The following OR10G3 variants were observed in gnomAD, a reference collection of about 807,000 sequenced individuals.
OR10G3 encodes olfactory receptor 10G3.
OR10G3 carries 8 observed loss-of-function variants against 13.4 expected under a neutral mutation model. That is an observed-to-expected ratio of 0.60 (90% CI 0.35 to 1.08). The LOEUF (loss-of-function observed/expected upper bound fraction) is 1.08, where lower values mean the gene tolerates loss of function less well. OR10G3 is among the 50% of genes least tolerant of loss of function. The pLI, the probability that OR10G3 is intolerant of heterozygous loss-of-function variation, is 0.02. For missense variants in OR10G3, 393 were observed against 386.6 expected (o/e 1.02, Z -0.14); for synonymous variants, 142 against 156.1 (o/e 0.91, Z 0.67).
At position 21,570,185 on chromosome 14, in the gene OR10G3, C is replaced by T; in HGVS notation, c.560G>A (p.Arg187Lys). Reference sequence around the variant, plus strand: ...GACTGTTGTGTCAGCACAGGCCAGTCTCAACACTGCAGGGATGTCACAGAA... The same window carrying T: ...GACTGTTGTGTCAGCACAGGCCAGTTTCAACACTGCAGGGATGTCACAGAA... ...YFFCDIPAVLRLACADTTVNE... is the reference protein window; with the variant it reads ...YFFCDIPAVLKLACADTTVNE... Residue 187 changes from arginine to lysine, a missense_variant, in exon 2 of 2, where the codon AGA (arginine) becomes AAA (lysine). Transcript: ENST00000641040. 5 of 1,614,214 alleles carry T rather than the reference C, an allele frequency of 3.1e-6. No homozygotes were observed. The highest frequency in any genetic ancestry group is 4.2e-6 in the Non-Finnish European group (5 of 1,180,048).
rs956449196 is a variant in OR10G3 at position 21,569,751 on chromosome 14, C to A, written c.*52G>T. On this transcript the variant is annotated 3_prime_UTR_variant, in exon 2 of 2. Coordinates refer to ENST00000641040, the MANE Select transcript of OR10G3 (RefSeq NM_001005465.2). ...AAGAAAAAAGTTACCGAAGCCTAAA[C>A]ATTATAATAAATTCTAATTGTGGCA... The A allele has an allele frequency of 6.8e-6, 10 of 1,466,872 alleles. No homozygotes were observed. The highest frequency in any genetic ancestry group is 9.4e-6 in the Non-Finnish European group (10 of 1,068,764). The allele number at this position is 1,466,872 out of a possible 1,614,324, so 90.9% of individuals were successfully genotyped here. A position where few individuals can be genotyped will look rare whatever the true frequency, so the allele number is the denominator to read the frequency against.
chr14:21,578,871 GT>G (rs1385891977), intron 1 of OR10G3, among the ~76,000 whole-genome samples: 90 of 152,256 alleles, frequency 5.9e-4, no homozygotes, highest in African/African-American at 2.0e-3. Flanking sequence ...AAAAGTTTGA[GT>G]TATTAAATTG....
intron 1 of OR10G3, among the ~76,000 whole-genome samples, chr14:21,572,352 A>G (rs1276212071): frequency 7.0e-6 from 1 of 142,742 alleles, no homozygotes; most frequent in Non-Finnish European, 1.5e-5. Context: ...TAATCCCAGC[A>G]CTTTGGGAAG....
In OR10G3 at chr14:21,569,753, T is replaced by C; in HGVS notation, c.*50A>G. On this transcript the variant is annotated 3_prime_UTR_variant, in exon 2 of 2. Transcript: ENST00000641040. ...GAAAAAAGTTACCGAAGCCTAAACA[T>C]TATAATAAATTCTAATTGTGGCAGC... The C allele has an allele frequency of 1.4e-6, 2 of 1,477,338 alleles. No individual in the cohort carries two copies. Among genetic ancestry groups the C allele is most frequent in the Non-Finnish European group, 1.9e-6 (2 of 1,076,918 alleles). The allele number at this position is 1,477,338 out of a possible 1,614,324, so 91.5% of individuals were successfully genotyped here.
intron 1 of OR10G3, among the ~76,000 whole-genome samples, chr14:21,571,711 G>T (rs1893071376): frequency 6.6e-6 from 1 of 151,260 alleles, no homozygotes; most frequent in Admixed American, 6.6e-5. Context: ...AGTTCTCTCT[G>T]TCACACAGCC....
intron 1 of OR10G3, among the ~76,000 whole-genome samples, chr14:21,572,519 C>T (rs1721489906): frequency 6.8e-6 from 1 of 147,468 alleles, no homozygotes; most frequent in South Asian, 2.1e-4. Flanking sequence ...ATTGCTTGAA[C>T]CTGAGAGGCA....
At chr14:21,579,018 G>C (rs1205978637) in intron 1 of OR10G3, among the ~76,000 whole-genome samples, 1 of 152,184 alleles carries the variant, frequency 6.6e-6, no homozygotes, top group African/African-American at 2.4e-5. Context: ...TTTGGGCAGA[G>C]AACTTGTCTT....
Position 21,576,227 on chromosome 14 carries a change from G to A in OR10G3, c.-18+3559C>T, listed in dbSNP as rs570900522. On this transcript the variant is annotated intron_variant, in intron 1 of 1. Transcript: ENST00000641040. ...GTTCACACTATTCAAGTACCTGAGA[G>A]AATGACTTAAAAACTAAACAAATAA... 3.9e-5 allele frequency among the ~76,000 whole-genome samples: 6 copies of A among 152,326 alleles called. No homozygotes were observed. The South Asian group carries it at 1.2e-3, about 32-fold the overall frequency.
chr14:21,575,217 G>A (rs978407160), intron 1 of OR10G3, among the ~76,000 whole-genome samples: 4 of 152,068 alleles, frequency 2.6e-5, no homozygotes, highest in Admixed American at 2.6e-4. Flanking sequence ...AAGTAGCTGG[G>A]ACTACAGGAG....
At chr14:21,572,104 C>A (rs1315533999) in intron 1 of OR10G3, among the ~76,000 whole-genome samples, 1 of 149,646 alleles carries the variant, frequency 6.7e-6, no homozygotes, top group African/African-American at 2.5e-5. Context: ...CTAGCCTGAA[C>A]AACATGGTGA....
chr14:21,570,789 CAT>C (rs746539853), intron 1 of OR10G3, 28 bp from the exon 2 acceptor site: 1 of 1,314,670 alleles, frequency 7.6e-7, no homozygotes, highest in African/African-American at 1.5e-5. Context: ...CAAGAATTAA[CAT>C]AGAGGTGAGA....
rs1304392997 is a variant in OR10G3, at chr14:21,570,164, G to A, written c.581C>T (p.Thr194Ile). 1 of 1,614,220 alleles carries A rather than the reference G, an allele frequency of 6.2e-7. No homozygotes were observed. Among genetic ancestry groups the A allele is most frequent in the South Asian group, 1.1e-5 (1 of 91,084 alleles). Residue 194 changes from threonine to isoleucine, a missense_variant, in exon 2 of 2, where the codon ACA becomes ATA. Thr to Ile is a moderately conservative substitution (Grantham distance 89, BLOSUM62 -1). Transcript: ENST00000641040. Reference protein sequence around the residue: ...AVLRLACADTTVNELVTFVDI... With the variant: ...AVLRLACADTIVNELVTFVDI... ...TACAAACGTCACCAGCTCGTTGACT[G>A]TTGTGTCAGCACAGGCCAGTCTCAA...
chr14:21,579,980 G>A lies in OR10G3; in HGVS notation c.-212C>T, dbSNP rs907640283. 2 of 152,192 alleles carry A rather than the reference G, an allele frequency of 1.3e-5. No homozygotes were observed. The highest frequency in any genetic ancestry group is 4.8e-5 in the African/African-American group (2 of 41,440). The allele number at this position is 152,192 out of a possible 1,614,324, so 9.4% of individuals were successfully genotyped here. The stretch of plus-strand genomic sequence containing the variant: ...ACTATGGAAACTTAATTTATTATTT[G>A]CCTGCTTATTTGTAGAGATATCTGC... On this transcript the variant is annotated 5_prime_UTR_variant, in exon 1 of 2. Coordinates refer to ENST00000641040, the MANE Select transcript of OR10G3 (RefSeq NM_001005465.2).
At chr14:21,579,108 A>T (rs1046328705) in intron 1 of OR10G3, among the ~76,000 whole-genome samples, 4 of 152,254 alleles carry the variant, frequency 2.6e-5, no homozygotes, top group African/African-American at 4.8e-5. Flanking sequence ...TGCTCTTCCT[A>T]GTCTGGTTGG....
Position 21,569,759 on chromosome 14 carries a change from T to C in OR10G3, c.*44A>G. On this transcript the variant is annotated 3_prime_UTR_variant, in exon 2 of 2. Transcript: ENST00000641040. Reference sequence around the variant, plus strand: ...AGTTACCGAAGCCTAAACATTATAATAAATTCTAATTGTGGCAGCTTCCCT... The same window carrying C: ...AGTTACCGAAGCCTAAACATTATAACAAATTCTAATTGTGGCAGCTTCCCT... 1 of 1,510,752 alleles carries C rather than the reference T, an allele frequency of 6.6e-7. No homozygotes were observed. The highest frequency in any genetic ancestry group is 9.0e-7 in the Non-Finnish European group (1 of 1,105,468). The allele number at this position is 1,510,752 out of a possible 1,614,324, so 93.6% of individuals were successfully genotyped here. A position where few individuals can be genotyped will look rare whatever the true frequency, so the allele number is the denominator to read the frequency against.
chr14:21,570,367 T>C lies in OR10G3; in HGVS notation c.378A>G (p.Ala126=), dbSNP rs1414401219. ...CAGGGTAGCGCAGGGGCTGACATAT[T>C]GCCAGGTACCTGTCATAGGCCATTA... The part of the protein sequence containing the change: ...YTLMAYDRYL[A]ICQPLRYPVL... Residue 126 remains alanine, a synonymous_variant, in exon 2 of 2, where the codon GCA becomes GCG. Coordinates refer to ENST00000641040, the MANE Select transcript of OR10G3 (RefSeq NM_001005465.2). 4 of 1,614,032 alleles carry C rather than the reference T, an allele frequency of 2.5e-6. No individual in the cohort carries two copies. In the Admixed American group the frequency reaches 6.7e-5, roughly 27 times the overall value.
intron 1 of OR10G3, among the ~76,000 whole-genome samples, chr14:21,575,631 G>T (rs528479951): frequency 1.3e-5 from 2 of 152,140 alleles, no homozygotes; most frequent in South Asian, 4.1e-4. Flanking sequence ...TGCTCGCCTC[G>T]GCCTCCCAAA....
chr14:21,569,759 TA>T lies in OR10G3; in HGVS notation c.*43del. On this transcript the variant is annotated 3_prime_UTR_variant, in exon 2 of 2. Coordinates refer to ENST00000641040, the MANE Select transcript of OR10G3 (RefSeq NM_001005465.2). ...AGTTACCGAAGCCTAAACATTATAA[TA>T]AATTCTAATTGTGGCAGCTTCCCTA... The T allele has an allele frequency of 6.6e-7, 1 of 1,510,750 alleles. No homozygotes were observed. Among genetic ancestry groups the T allele is most frequent in the Non-Finnish European group, 9.0e-7 (1 of 1,105,466 alleles). The allele number at this position is 1,510,750 out of a possible 1,614,324, so 93.6% of individuals were successfully genotyped here. A position where few individuals can be genotyped will look rare whatever the true frequency, so the allele number is the denominator to read the frequency against.
chr14:21,576,075 T>G (rs1166184361), intron 1 of OR10G3, among the ~76,000 whole-genome samples: 1 of 152,176 alleles, frequency 6.6e-6, no homozygotes, highest in Non-Finnish European at 1.5e-5. Context: ...GTGGCTGCTC[T>G]GGTCTGTGTG....
Sources: gnomAD v4.1 joint callset for allele counts (sites outside exome capture counted in the v4.1 genomes callset) on GRCh38, gnomAD v4.1.1 for gene constraint, MANE v1.5 for transcripts, NCBI Gene and HGNC (gene_info 2026-07-23, HGNC 2026-07-21) for gene names.